AAK1: variants seen among roughly 807,000 people sequenced by gnomAD.
The protein encoded by AAK1 is AP2 associated kinase 1.
In AAK1, 37 loss-of-function variants were observed where a neutral mutation model predicts 116.0. The observed-to-expected ratio is 0.32, with a 90% CI of 0.25 to 0.42. AAK1 has a LOEUF of 0.42. AAK1 is among the 10% of genes least tolerant of loss of function. The pLI is 1.00. For synonymous variants in AAK1, 458 were observed against 439.9 expected (o/e 1.04, Z -0.51); for missense variants, 919 against 1,170.6 (o/e 0.79, Z 3.14).
intron 21 of AAK1, among the ~76,000 whole-genome samples, chr2:69,476,199 C>G (rs1427568158): frequency 2.0e-5 from 3 of 152,166 alleles, no homozygotes; most frequent in African/African-American, 7.2e-5. Flanking sequence ...TCTGTGCACA[C>G]CACAGTATAG....
chr2:69,559,617 G>C (rs920097343), intron 2 of AAK1, among the ~76,000 whole-genome samples: 1 of 152,212 alleles, frequency 6.6e-6, no homozygotes, highest in African/African-American at 2.4e-5. Flanking sequence ...CACTCCTAGA[G>C]AGTATTAAGT....
At chr2:69,561,546 A>G (rs773432067) in intron 2 of AAK1, among the ~76,000 whole-genome samples, 12 of 152,248 alleles carry the variant, frequency 7.9e-5, no homozygotes, top group Non-Finnish European at 1.6e-4. Flanking sequence ...GCACAGAGCT[A>G]GTTGGTGGCA....
chr2:69,593,946 T>C (rs1673149576), intron 2 of AAK1, among the ~76,000 whole-genome samples: 1 of 152,272 alleles, frequency 6.6e-6, no homozygotes, highest in African/African-American at 2.4e-5. Flanking sequence ...CTCTTGCCAT[T>C]GTTCTCTACT....
intron 2 of AAK1, among the ~76,000 whole-genome samples, chr2:69,592,709 AAGTTCTACCCTGAGATTCAC>A (rs1045218231): frequency 3.9e-5 from 6 of 152,304 alleles, no homozygotes; most frequent in East Asian, 3.9e-4. Flanking sequence ...AAATTCAATA[AAGTTCTACCCTGAGATTCAC>A]AGTTCTACCC....
intron 2 of AAK1, among the ~76,000 whole-genome samples, chr2:69,641,345 T>C (rs1459264899): frequency 2.6e-5 from 4 of 152,144 alleles, no homozygotes; most frequent in Admixed American, 1.3e-4. Context: ...CCCACTGCAG[T>C]TAAGGGCTTT....
At chr2:69,627,048 G>A (rs1006816896) in intron 2 of AAK1, among the ~76,000 whole-genome samples, 2 of 152,048 alleles carry the variant, frequency 1.3e-5, no homozygotes, top group Non-Finnish European at 2.9e-5. Context: ...AGCACTTTGG[G>A]AGGCCGAGGC....
At chr2:69,588,193 G>A (rs950637874) in intron 2 of AAK1, among the ~76,000 whole-genome samples, 2 of 152,166 alleles carry the variant, frequency 1.3e-5, no homozygotes, top group Non-Finnish European at 2.9e-5. Context: ...TTCCACAGAG[G>A]TTATTGTGAA....
intron 5 of AAK1, among the ~76,000 whole-genome samples, chr2:69,532,756 T>C (rs1670308992): frequency 6.6e-6 from 1 of 152,240 alleles, no homozygotes; most frequent in African/African-American, 2.4e-5. Flanking sequence ...ATATTGCTTA[T>C]GTTTCAGTTA....
intron 2 of AAK1, among the ~76,000 whole-genome samples, chr2:69,566,971 T>G (rs567031929): frequency 6.6e-5 from 10 of 152,208 alleles, no homozygotes; most frequent in African/African-American, 1.9e-4. Flanking sequence ...AAACTTAATA[T>G]CATTTGAAAC....
intron 15 of AAK1, among the ~76,000 whole-genome samples, 178 bp downstream of exon 15, chr2:69,507,243 T>C (rs985033178): frequency 6.6e-6 from 1 of 152,192 alleles, no homozygotes; most frequent in Non-Finnish European, 1.5e-5. Context: ...TCAGGGCCCA[T>C]GGTAAAAATA....
rs202140679 is a variant in AAK1 at position 69,530,717 on chromosome 2, G to A, written c.657-11C>T. 2 of 1,600,214 alleles carry A rather than the reference G, an allele frequency of 1.2e-6. No individual in the cohort carries two copies. The highest frequency in any genetic ancestry group is 1.7e-6 in the Non-Finnish European group (2 of 1,168,314). ...GACAGCGTTGTGTATCTACAATCAA[G>A]AGATTCATTTTTTATTAAATATGTC... is the stretch of plus-strand genomic sequence containing the variant. On this transcript the variant is annotated splice_polypyrimidine_tract_variant and intron_variant, in intron 6 of 21. Coordinates refer to ENST00000409085, the MANE Select transcript of AAK1 (RefSeq NM_014911.5).
chr2:69,605,151 C>T (rs1029141065), intron 2 of AAK1, among the ~76,000 whole-genome samples: 1 of 152,170 alleles, frequency 6.6e-6, no homozygotes, highest in Non-Finnish European at 1.5e-5. Context: ...GCCCTCCCTA[C>T]CCCAGCAGTT....
chr2:69,586,002 T>A (rs1329900307), intron 2 of AAK1, among the ~76,000 whole-genome samples: 1 of 152,142 alleles, frequency 6.6e-6, no homozygotes, highest in Non-Finnish European at 1.5e-5. Context: ...TCTGCCTGAT[T>A]GGTGCGGAGT....
chr2:69,623,545 G>A (rs1445458026), intron 2 of AAK1, among the ~76,000 whole-genome samples: 1 of 152,194 alleles, frequency 6.6e-6, no homozygotes, highest in East Asian at 1.9e-4. Flanking sequence ...AGGGCTGGGT[G>A]CTGTGGCTCA....
intron 3 of AAK1, 136 bp from the exon 4 acceptor site, chr2:69,544,680 T>C: frequency 1.5e-6 from 1 of 656,748 alleles, no homozygotes. Context: ...AGGAGCAAAG[T>C]CAAGAACAGG....
intron 2 of AAK1, among the ~76,000 whole-genome samples, chr2:69,604,956 C>T (rs897965475): frequency 2.6e-5 from 4 of 152,232 alleles, no homozygotes; most frequent in Admixed American, 1.3e-4. Context: ...TGTCTCAACA[C>T]ACAGTACTTC....
At position 69,466,352 on chromosome 2, in the gene AAK1, C is replaced by G; in HGVS notation, c.*9517G>C. 1 of 1,289,842 alleles carries G rather than the reference C, an allele frequency of 7.8e-7. No homozygotes were observed. The highest frequency in any genetic ancestry group is 1.0e-6 in the Non-Finnish European group (1 of 988,882). 79.9% of individuals were successfully genotyped at this position (1,289,842 alleles called of 1,614,324 possible). A position where few individuals can be genotyped will look rare whatever the true frequency, so the allele number is the denominator to read the frequency against. ...CCAGCATGTCTCCTTCAAGGTCAGT[C>G]CCTTCCTCTTCGCTGCTGTGGAATG... On this transcript the variant is annotated 3_prime_UTR_variant, in exon 22 of 22. Coordinates refer to ENST00000409085, the MANE Select transcript of AAK1 (RefSeq NM_014911.5).
chr2:69,512,278 C>T (rs1676422758), intron 13 of AAK1, among the ~76,000 whole-genome samples: 1 of 152,098 alleles, frequency 6.6e-6, no homozygotes, highest in South Asian at 2.1e-4. Context: ...ACTTCTATTC[C>T]ATCACTCTAA....
chr2:69,638,937 C>T (rs896702611), intron 2 of AAK1, among the ~76,000 whole-genome samples: 2 of 152,212 alleles, frequency 1.3e-5, no homozygotes, highest in Admixed American at 6.5e-5. Flanking sequence ...GAACCTAATA[C>T]AGTGCCTGCC....
Sources: allele counts gnomAD v4.1 joint callset (sites outside exome capture counted in the v4.1 genomes callset), GRCh38; gene constraint gnomAD v4.1.1; transcripts MANE v1.5; gene names NCBI Gene and HGNC (gene_info 2026-07-23, HGNC 2026-07-21).